Variants in CDS2 observed in about 807,000 individuals in gnomAD.
The protein encoded by CDS2 is phosphatidate cytidylyltransferase 2.
CDS2 carries 47 observed loss-of-function variants against 59.0 expected under a neutral mutation model. The ratio of observed to expected loss-of-function variants is 0.80; its 90% CI spans 0.63 to 1.02. CDS2 has a LOEUF of 1.02. CDS2 is among the 50% of genes least tolerant of loss of function. The pLI is 0.00. For missense variants in CDS2, 356 were observed against 558.9 expected (o/e 0.64, Z 3.66); for synonymous variants, 207 against 206.4 (o/e 1.00, Z -0.02).
rs7263872 is a variant in CDS2, at chr20:5,131,068, G to C, written c.57+3919G>C. On this transcript the variant is annotated intron_variant, in intron 1 of 12. Coordinates refer to ENST00000460006, the MANE Select transcript of CDS2 (RefSeq NM_003818.4). ...AGATGGCGCCACTGCACGCCAGCCT[G>C]GGCGACAGAGCAAGACTCTGTCTTA... Among the ~76,000 whole-genome samples the C allele has an allele frequency of 5.0e-3, 758 of 150,736 alleles. 7 individuals carry two copies. Among genetic ancestry groups the C allele is most frequent in the African/African-American group, 0.018 (725 of 40,924 alleles).
At chr20:5,177,044 A>G in intron 4 of CDS2, among the ~76,000 whole-genome samples, 1 of 152,218 alleles carries the variant, frequency 6.6e-6, no homozygotes, top group East Asian at 1.9e-4. Flanking sequence ...TTCATAGGCC[A>G]GACTGTGTGG....
intron 1 of CDS2, among the ~76,000 whole-genome samples, chr20:5,130,799 A>G (rs944586361): frequency 1.3e-4 from 20 of 148,256 alleles, no homozygotes; most frequent in African/African-American, 5.0e-4. Context: ...AAAGAAAAGA[A>G]AAGCTCTGGA....
chr20:5,169,495 C>T (rs1877002162), intron 1 of CDS2, among the ~76,000 whole-genome samples: 2 of 152,140 alleles, frequency 1.3e-5, no homozygotes, highest in South Asian at 2.1e-4. Context: ...CTCATTAGTT[C>T]AACAAATCTT....
At chr20:5,152,699 C>T (rs773371676) in intron 1 of CDS2, among the ~76,000 whole-genome samples, 26 of 152,312 alleles carry the variant, frequency 1.7e-4, no homozygotes, top group Non-Finnish European at 2.4e-4. Flanking sequence ...GCCAAGATTG[C>T]GCCATTGCAC....
At position 5,174,582 on chromosome 20, in the gene CDS2, G is replaced by A. The variant is rs558429718; in HGVS notation, c.195-601G>A. Among the ~76,000 whole-genome samples, 12 of 152,206 alleles carry A rather than the reference G, an allele frequency of 7.9e-5. No individual in the cohort carries two copies. The South Asian group carries it at 2.5e-3, about 32-fold the overall frequency. Reference sequence around the variant, plus strand: ...TACTAAAAATACAAAAAAATTAGCTGGGTGTGGTGGCAGGCGCCTGTAGTC... The same window carrying A: ...TACTAAAAATACAAAAAAATTAGCTAGGTGTGGTGGCAGGCGCCTGTAGTC... On this transcript the variant is annotated intron_variant, in intron 2 of 12. Coordinates refer to ENST00000460006, the MANE Select transcript of CDS2 (RefSeq NM_003818.4).
chr20:5,139,064 G>A (rs1226315667), intron 1 of CDS2, among the ~76,000 whole-genome samples: 1 of 152,172 alleles, frequency 6.6e-6, no homozygotes, highest in Non-Finnish European at 1.5e-5. Flanking sequence ...CACACAGGCT[G>A]GGCGTGGTGG....
chr20:5,156,122 A>G (rs748023345), intron 1 of CDS2, among the ~76,000 whole-genome samples: 2 of 152,140 alleles, frequency 1.3e-5, no homozygotes, highest in Non-Finnish European at 1.5e-5. Context: ...ATTTGTGGAG[A>G]TGCCAATTAG....
rs1034307952 is a variant in CDS2 at position 5,195,014 on chromosome 20, GT to G, written c.*4782del. 1 of 152,208 alleles carries G rather than the reference GT, an allele frequency of 6.6e-6. No homozygotes were observed. Among genetic ancestry groups the G allele is most frequent in the African/African-American group, 2.4e-5 (1 of 41,432 alleles). 9.4% of individuals were successfully genotyped at this position (152,208 alleles called of 1,614,324 possible). A position where few individuals can be genotyped will look rare whatever the true frequency, so the allele number is the denominator to read the frequency against. ...AGTATGACTGAGGCCGAGAGCAGTG[GT>G]TAAGACAGACTTTGGGATCAAATCA... On this transcript the variant is annotated 3_prime_UTR_variant, in exon 13 of 13. Coordinates refer to ENST00000460006, the MANE Select transcript of CDS2 (RefSeq NM_003818.4).
rs757253382 is a variant in CDS2, at chr20:5,173,660, G to A, written c.194+1G>A. 3 of 1,613,994 alleles carry A rather than the reference G, an allele frequency of 1.9e-6. No individual in the cohort carries two copies. The highest frequency in any genetic ancestry group is 2.5e-6 in the Non-Finnish European group (3 of 1,179,888). ...GGGCCCTTTCCAACTTGTCTTCAAG[G>A]TAACCTGGCTTAATGATGCAGGTGC... On this transcript the variant is annotated splice_donor_variant, in intron 2 of 12. Coordinates refer to ENST00000460006, the MANE Select transcript of CDS2 (RefSeq NM_003818.4). LOFTEE classifies it high-confidence loss of function.
chr20:5,155,522 CCTTCTGGCTTCTGTTGG>C (rs1224214966), intron 1 of CDS2, among the ~76,000 whole-genome samples: 1 of 152,168 alleles, frequency 6.6e-6, no homozygotes, highest in Non-Finnish European at 1.5e-5. Context: ...TAGCTGTCTC[CCTTCTGGCTTCTGTTGG>C]CATTCCTTGG....
At chr20:5,149,659 C>T (rs1360485155) in intron 1 of CDS2, among the ~76,000 whole-genome samples, 3 of 152,176 alleles carry the variant, frequency 2.0e-5, no homozygotes, top group East Asian at 3.8e-4. Flanking sequence ...ACCTCGACCT[C>T]GCAAAGTGCT....
chr20:5,128,173 T>G (rs1040360465), intron 1 of CDS2: 5 of 152,224 alleles, frequency 3.3e-5, no homozygotes, highest in African/African-American at 9.6e-5. Flanking sequence ...CCACCATCAC[T>G]TTGTCACCTG....
At chr20:5,173,731 C>T (rs1458987291) in intron 2 of CDS2, 72 bp downstream of exon 2, 2 of 1,576,730 alleles carry the variant, frequency 1.3e-6, no homozygotes, top group Admixed American at 1.7e-5. Flanking sequence ...GAAGAGCCTG[C>T]AGAGAGCCCG....
intron 1 of CDS2, among the ~76,000 whole-genome samples, chr20:5,133,604 C>T (rs567544121): frequency 1.3e-5 from 2 of 152,196 alleles, no homozygotes; most frequent in East Asian, 1.9e-4. Context: ...CTCAGCTGAC[C>T]GCAACCTCTG....
chr20:5,178,922 C>A lies in CDS2; in HGVS notation c.495C>A (p.Tyr165Ter), dbSNP rs760954431. 6.2e-7 allele frequency: 1 copy of A among 1,614,000 alleles called. No individual in the cohort carries two copies. The highest frequency in any genetic ancestry group is 8.5e-7 in the Non-Finnish European group (1 of 1,179,846). ...AGCCTTTGCGGATTCTCAGTAAATA[C>A]CACCGGTTCATTTCCTTTACTCTCT... The part of the protein sequence containing the change: ...REEPLRILSK[Y>*]HRFISFTLYL... Residue 165 changes from tyrosine (Y) to a stop codon, truncating the protein, a stop_gained, in exon 5 of 13, where the codon TAC (tyrosine) becomes TAA (stop). Transcript: ENST00000460006. LOFTEE classifies it high-confidence loss of function.
intron 4 of CDS2, among the ~76,000 whole-genome samples, chr20:5,177,592 C>T (rs2091003770): frequency 6.6e-6 from 1 of 152,204 alleles, no homozygotes; most frequent in Non-Finnish European, 1.5e-5. Flanking sequence ...CTGCACCATG[C>T]TGAGAGGACC....
intron 1 of CDS2, among the ~76,000 whole-genome samples, chr20:5,144,652 A>G (rs1045745513): frequency 6.6e-6 from 1 of 152,212 alleles, no homozygotes; most frequent in Admixed American, 6.5e-5. Flanking sequence ...AACTTTTCCT[A>G]CATGTTTCTT....
At chr20:5,182,935 G>A in intron 6 of CDS2, 126 bp from the exon 7 acceptor site, 1 of 731,990 alleles carries the variant, frequency 1.4e-6, no homozygotes, top group Non-Finnish European at 2.3e-6. Context: ...CTTTCAATAA[G>A]TCAGATACAA....
chr20:5,171,516 G>T (rs1056846432), intron 1 of CDS2, among the ~76,000 whole-genome samples: 1 of 152,148 alleles, frequency 6.6e-6, no homozygotes, highest in Non-Finnish European at 1.5e-5. Context: ...CTTGTAACTC[G>T]CAATGATTAC....
Sources: allele counts gnomAD v4.1 joint callset (sites outside exome capture counted in the v4.1 genomes callset), GRCh38; gene constraint gnomAD v4.1.1; transcripts MANE v1.5; gene names NCBI Gene and HGNC (gene_info 2026-07-23, HGNC 2026-07-21).